MINDY4: variants seen among roughly 807,000 people sequenced by gnomAD.
MINDY4 encodes the protein probable ubiquitin carboxyl-terminal hydrolase MINDY-4.
In MINDY4, 68 loss-of-function variants were observed where a neutral mutation model predicts 87.0. The observed-to-expected ratio is 0.78, with a 90% CI of 0.64 to 0.96. The LOEUF (loss-of-function observed/expected upper bound fraction) is 0.96, where lower values mean the gene tolerates loss of function less well. Ranked by LOEUF, MINDY4 falls within the 40% of genes least tolerant of loss-of-function variation. MINDY4 has a pLI of 0.00. For synonymous variants in MINDY4, 379 were observed against 363.2 expected (o/e 1.04, Z -0.50); for missense variants, 919 against 928.2 (o/e 0.99, Z 0.13).
At chr7:30,801,152 A>G (rs1273686516) in intron 5 of MINDY4, among the ~76,000 whole-genome samples, 1 of 152,142 alleles carries the variant, frequency 6.6e-6, no homozygotes, top group African/African-American at 2.4e-5. Flanking sequence ...CGGGACTTGG[A>G]GGAGGCTTAC....
chr7:30,811,528 A>C (rs1787997456), intron 5 of MINDY4, among the ~76,000 whole-genome samples: 1 of 152,216 alleles, frequency 6.6e-6, no homozygotes, highest in South Asian at 2.1e-4. Context: ...AGAAGGGAGG[A>C]GACCACCCCT....
intron 9 of MINDY4, among the ~76,000 whole-genome samples, chr7:30,844,093 C>T (rs1261807584): frequency 6.6e-6 from 1 of 152,140 alleles, no homozygotes; most frequent in Admixed American, 6.5e-5. Flanking sequence ...GTAGCCCACC[C>T]CCTGGACTGG....
chr7:30,847,389 C>G (rs1789254060), intron 9 of MINDY4, among the ~76,000 whole-genome samples: 1 of 152,126 alleles, frequency 6.6e-6, no homozygotes. Flanking sequence ...AGGCCCTGCC[C>G]AAGAGCAAGA....
chr7:30,797,104 A>G (rs1383504670), intron 5 of MINDY4, among the ~76,000 whole-genome samples: 1 of 152,184 alleles, frequency 6.6e-6, no homozygotes, highest in Non-Finnish European at 1.5e-5. Context: ...TATTTATACC[A>G]TGGAGATTGG....
chr7:30,882,130 G>C (rs1477829779), intron 15 of MINDY4, 51 bp from the exon 16 acceptor site: 3 of 1,533,228 alleles, frequency 2.0e-6, no homozygotes, highest in African/African-American at 2.8e-5. Context: ...AAAATGCCCG[G>C]ACCCCTTTCC....
chr7:30,834,038 G>A (rs1234438830), intron 6 of MINDY4, among the ~76,000 whole-genome samples: 2 of 152,350 alleles, frequency 1.3e-5, no homozygotes, highest in East Asian at 1.9e-4. Context: ...CAGGCACATG[G>A]TGCAAGCTGT....
chr7:30,778,894 A>G (rs975257807), intron 2 of MINDY4, among the ~76,000 whole-genome samples: 1 of 152,194 alleles, frequency 6.6e-6, no homozygotes, highest in African/African-American at 2.4e-5. Context: ...AGAATATCGT[A>G]TCCAGTTATA....
chr7:30,827,765 A>G (rs1034599724), intron 5 of MINDY4, among the ~76,000 whole-genome samples: 1 of 152,124 alleles, frequency 6.6e-6, no homozygotes, highest in African/African-American at 2.4e-5. Flanking sequence ...TCTTCCATTC[A>G]CGCCCCTTCA....
chr7:30,800,049 G>A (rs1048263546), intron 5 of MINDY4, among the ~76,000 whole-genome samples: 2 of 152,156 alleles, frequency 1.3e-5, no homozygotes, highest in African/African-American at 2.4e-5. Flanking sequence ...GATGAGTTTG[G>A]CAAAGGACGA....
At chr7:30,807,078 A>G (rs1787832783) in intron 5 of MINDY4, among the ~76,000 whole-genome samples, 1 of 152,228 alleles carries the variant, frequency 6.6e-6, no homozygotes, top group African/African-American at 2.4e-5. Flanking sequence ...GAATGAGAAG[A>G]AAAGGAAATC....
intron 17 of MINDY4, among the ~76,000 whole-genome samples, chr7:30,887,575 G>C (rs764783222): frequency 3.9e-5 from 6 of 152,260 alleles, no homozygotes; most frequent in Admixed American, 3.3e-4. Flanking sequence ...GCTTTGAAGC[G>C]TGAGCCAGCG....
intron 11 of MINDY4, 116 bp downstream of exon 11, chr7:30,852,395 C>T: frequency 6.5e-7 from 1 of 1,538,278 alleles, no homozygotes; most frequent in Non-Finnish European, 8.8e-7. Flanking sequence ...CAGCCCAGGT[C>T]CCAGGAATCC....
chr7:30,845,330 A>G (rs1173397776), intron 9 of MINDY4, among the ~76,000 whole-genome samples: 1 of 152,128 alleles, frequency 6.6e-6, no homozygotes, highest in Non-Finnish European at 1.5e-5. Flanking sequence ...GCAAAGGGAA[A>G]CACTGGGTCA....
intron 6 of MINDY4, among the ~76,000 whole-genome samples, chr7:30,834,723 G>T (rs745746260): frequency 3.3e-5 from 5 of 152,140 alleles, no homozygotes; most frequent in Non-Finnish European, 5.9e-5. Flanking sequence ...GCCTTTAACA[G>T]CACTCAAGTC....
At chr7:30,839,358 C>A in intron 8 of MINDY4, 42 bp downstream of exon 8, 1 of 1,293,348 alleles carries the variant, frequency 7.7e-7, no homozygotes, top group South Asian at 1.4e-5. Flanking sequence ...TCTGCTGGGC[C>A]ATCATGCATA....
chr7:30,854,095 G>A (rs185057515), intron 12 of MINDY4, among the ~76,000 whole-genome samples: 1 of 152,312 alleles, frequency 6.6e-6, no homozygotes, highest in Admixed American at 6.5e-5. Context: ...CAGAGCTGTG[G>A]TATCACAGAC....
At chr7:30,816,190 A>G (rs10237363) in intron 5 of MINDY4, among the ~76,000 whole-genome samples, 54,560 of 149,598 alleles carry the variant, frequency 0.36, 12,868 homozygotes, top group African/African-American at 0.66. Context: ...CCCGGGTCTC[A>G]TATGCCAAAT....
intron 7 of MINDY4, among the ~76,000 whole-genome samples, 194 bp downstream of exon 7, chr7:30,836,958 G>T (rs11972068): frequency 1.3e-5 from 2 of 152,196 alleles, no homozygotes; most frequent in Admixed American, 1.3e-4. Context: ...TGCAGCTCTC[G>T]TTCCCTCTCC....
intron 5 of MINDY4, among the ~76,000 whole-genome samples, chr7:30,818,214 G>C (rs1416267093): frequency 6.6e-6 from 1 of 151,984 alleles, no homozygotes; most frequent in Non-Finnish European, 1.5e-5. Flanking sequence ...TAAATCTCTT[G>C]ATATGAATTA....
Sources: gnomAD v4.1 joint callset for allele counts (sites outside exome capture counted in the v4.1 genomes callset) on GRCh38, gnomAD v4.1.1 for gene constraint, MANE v1.5 for transcripts, NCBI Gene and HGNC (gene_info 2026-07-23, HGNC 2026-07-21) for gene names.